The following SPTA1 variants were observed in gnomAD, a reference collection of about 807,000 sequenced individuals.
The protein encoded by SPTA1 is spectrin alpha, erythrocytic 1, also known as spectrin alpha chain, erythrocytic 1.
Under a neutral mutation model 324.7 loss-of-function variants are expected in SPTA1, and 177 were observed. The ratio of observed to expected loss-of-function variants is 0.55; its 90% CI spans 0.48 to 0.62. SPTA1 has a LOEUF of 0.62. Ranked by LOEUF, SPTA1 falls within the 20% of genes least tolerant of loss-of-function variation. The probability of loss-of-function intolerance (pLI) is 0.00; values close to 1 mark genes in which losing one functional copy is unlikely to be tolerated. For missense variants in SPTA1, 3,162 were observed against 2,883.6 expected, an observed-to-expected ratio of 1.10 and a Z score of -2.21; for synonymous variants, 1,195 against 1,041.3, an observed-to-expected ratio of 1.15 and a Z score of -2.84.
At chr1:158,675,508 C>T (rs950670091) in intron 8 of SPTA1, among the ~76,000 whole-genome samples, 7 of 152,060 alleles carry the variant, frequency 4.6e-5, no homozygotes, top group African/African-American at 1.7e-4. Flanking sequence ...GTGGGAGATA[C>T]ATTTCAATAT....
rs1423359721 is a variant in SPTA1 at position 158,634,543 on chromosome 1, C to T, written c.5565G>A (p.Gln1855=). The T allele has an allele frequency of 1.2e-6, 2 of 1,613,910 alleles. No individual in the cohort carries two copies. The highest frequency in any genetic ancestry group is 1.7e-6 in the Non-Finnish European group (2 of 1,180,012). Reference sequence around the variant, plus strand: ...TTGATTCATTCTTCCTGTTCCTCACCTGAGTAGCAGCTAATGTATCTCCAC... The same window carrying T: ...TTGATTCATTCTTCCTGTTCCTCACTTGAGTAGCAGCTAATGTATCTCCAC... ...GDCGDTLAAT[Q]SLLMKHEALE... Residue 1855 remains glutamine, a splice_region_variant and synonymous_variant, in exon 39 of 52, where the codon CAG becomes CAA. Transcript: ENST00000643759.
At chr1:158,670,717 T>G (rs772950868) in intron 12 of SPTA1, among the ~76,000 whole-genome samples, 1 of 152,140 alleles carries the variant, frequency 6.6e-6, no homozygotes, top group Non-Finnish European at 1.5e-5. Context: ...CATTGTAACT[T>G]AAGGCTCACA....
Position 158,626,162 on chromosome 1 carries a change from G to A in SPTA1, c.5894C>T (p.Thr1965Ile). 6.2e-7 allele frequency: 1 copy of A among 1,613,806 alleles called. No individual in the cohort carries two copies. The highest frequency in any genetic ancestry group is 8.5e-7 in the Non-Finnish European group (1 of 1,179,696). ...CAATCTCACCTGTTTTGCCAGAAGA[G>A]TGAGGAAGTCACCAAGGTCTGCACC... ...GNGADLGDFLTLLAKQDTLDA... is the reference protein window; with the variant it reads ...GNGADLGDFLILLAKQDTLDA... Residue 1965 changes from threonine (T) to isoleucine (I), a missense_variant, in exon 42 of 52, where the codon ACT becomes ATT. Transcript: ENST00000643759.
At chr1:158,683,713 G>A (rs1654973716) in intron 2 of SPTA1, among the ~76,000 whole-genome samples, 1 of 152,034 alleles carries the variant, frequency 6.6e-6, no homozygotes, top group South Asian at 2.1e-4. Context: ...TTATTTTAAA[G>A]GCTCAATAGA....
rs115978093 is a variant in SPTA1 at position 158,665,967 on chromosome 1, A to G, written c.2220+349T>C. 2.6e-3 allele frequency among the ~76,000 whole-genome samples: 401 copies of G among 152,234 alleles called. 1 individual carries two copies. Among genetic ancestry groups the G allele is most frequent in the Non-Finnish European group, 4.2e-3 (284 of 68,008 alleles). On this transcript the variant is annotated intron_variant, in intron 16 of 51. Coordinates refer to ENST00000643759, the MANE Select transcript of SPTA1 (RefSeq NM_003126.4). ...GATTGAGAGAAGAGTTTATGTTTAGAAAAGTCAATAAAGCCTTACACTAAC... is the reference window on the plus strand; with the variant it reads ...GATTGAGAGAAGAGTTTATGTTTAGGAAAGTCAATAAAGCCTTACACTAAC...
chr1:158,685,731 T>C (rs1655128754), intron 1 of SPTA1, among the ~76,000 whole-genome samples: 2 of 152,196 alleles, frequency 1.3e-5, no homozygotes, highest in South Asian at 2.1e-4. Context: ...GAGAAGTGCT[T>C]ATTATTTTTA....
chr1:158,636,751 T>C lies in SPTA1; in HGVS notation c.5200A>G (p.Ile1734Val). 2.5e-6 allele frequency: 4 copies of C among 1,614,106 alleles called. No homozygotes were observed. The highest frequency in any genetic ancestry group is 3.4e-6 in the Non-Finnish European group (4 of 1,179,996). Residue 1734 changes from isoleucine to valine, a missense_variant, in exon 37 of 52, where the codon ATA becomes GTA. Ile to Val is a conservative substitution (Grantham distance 29). Coordinates refer to ENST00000643759, the MANE Select transcript of SPTA1 (RefSeq NM_003126.4). Reference protein sequence around the residue: ...DEESWIEEKLIRVSSQDYGRD... With the variant: ...DEESWIEEKLVRVSSQDYGRD... ...CCATAGTCCTGGGAGCTCACTCGTATCAACTTCTCCCTAAAATCAAGGAAG... is the reference window on the plus strand; with the variant it reads ...CCATAGTCCTGGGAGCTCACTCGTACCAACTTCTCCCTAAAATCAAGGAAG...
At chr1:158,627,205 A>T (rs1052108721) in intron 40 of SPTA1, among the ~76,000 whole-genome samples, 198 bp from the exon 41 acceptor site, 2 of 152,140 alleles carry the variant, frequency 1.3e-5, no homozygotes, top group South Asian at 2.1e-4. Context: ...ATCAATGAGG[A>T]TTTATTAAAA....
chr1:158,614,383 G>T, intron 48 of SPTA1, 77 bp from the exon 49 acceptor site: 1 of 1,060,640 alleles, frequency 9.4e-7, no homozygotes, highest in Non-Finnish European at 1.4e-6. Flanking sequence ...ACATGGAAGA[G>T]AGAGGAATTT....
chr1:158,642,558 A>G lies in SPTA1; in HGVS notation c.4606-16T>C, dbSNP rs1017982027. 6.2e-7 allele frequency: 1 copy of G among 1,613,286 alleles called. No individual in the cohort carries two copies. Among genetic ancestry groups the G allele is most frequent in the Non-Finnish European group, 8.5e-7 (1 of 1,179,484 alleles). ...GGTATTTCCTCTGAAGGGAAAATGA[A>G]ACAGAAATTATATTATCTTTTTATT... is the stretch of plus-strand genomic sequence containing the variant. On this transcript the variant is annotated splice_polypyrimidine_tract_variant and intron_variant, in intron 32 of 51. Transcript: ENST00000643759.
At chr1:158,629,499 A>G (rs1020754736) in intron 39 of SPTA1, among the ~76,000 whole-genome samples, 37 of 152,016 alleles carry the variant, frequency 2.4e-4, no homozygotes, top group African/African-American at 8.9e-4. Context: ...CATGATAAAA[A>G]CCATCAACAA....
intron 2 of SPTA1, 129 bp from the exon 3 acceptor site, chr1:158,683,625 C>G: frequency 8.3e-7 from 1 of 1,206,922 alleles, no homozygotes; most frequent in South Asian, 1.3e-5. Context: ...AGAGTATTTT[C>G]CTGTCCCCAC....
At chr1:158,622,533 G>A (rs968483165) in intron 43 of SPTA1, among the ~76,000 whole-genome samples, 6 of 152,064 alleles carry the variant, frequency 3.9e-5, no homozygotes. Context: ...TTCTAAATGG[G>A]GATATCAAGG....
At chr1:158,619,668 G>A (rs112792119) in intron 44 of SPTA1, among the ~76,000 whole-genome samples, 8 of 152,242 alleles carry the variant, frequency 5.3e-5, no homozygotes, top group African/African-American at 1.9e-4. Flanking sequence ...TAAAGGGCCT[G>A]CTACCCTTAG....
chr1:158,635,810 T>C, intron 38 of SPTA1, 103 bp downstream of exon 38: 1 of 1,552,374 alleles, frequency 6.4e-7, no homozygotes, highest in Non-Finnish European at 8.9e-7. Context: ...GATAGGTAGT[T>C]GGGGATAGCA....
At chr1:158,627,844 T>C in intron 39 of SPTA1, 121 bp from the exon 40 acceptor site, 1 of 901,752 alleles carries the variant, frequency 1.1e-6, no homozygotes. Flanking sequence ...GCAGACTAGG[T>C]GAATGCCCAC....
chr1:158,679,552 G>A (rs1336824956), intron 5 of SPTA1, among the ~76,000 whole-genome samples: 1 of 151,988 alleles, frequency 6.6e-6, no homozygotes, highest in African/African-American at 2.4e-5. Flanking sequence ...ATGATGAGAG[G>A]TCACCCAGAG....
In SPTA1 at chr1:158,639,492, A is replaced by G. The variant is rs1371560387; in HGVS notation, c.4980+90T>C. 22 of 1,358,888 alleles carry G rather than the reference A, an allele frequency of 1.6e-5. No homozygotes were observed. The Admixed American group carries it at 2.7e-4, about 17-fold the overall frequency. 84.2% of individuals were successfully genotyped at this position (1,358,888 alleles called of 1,614,324 possible). On this transcript the variant is annotated intron_variant, in intron 35 of 51. Coordinates refer to ENST00000643759, the MANE Select transcript of SPTA1 (RefSeq NM_003126.4). ...ACACTAAGAACAATTTTGCAAGGCT[A>G]TGTTTTCAAATGGTCTCCTAACATG...
chr1:158,635,418 T>G (rs1186197407), intron 38 of SPTA1, among the ~76,000 whole-genome samples: 1 of 151,818 alleles, frequency 6.6e-6, no homozygotes. Context: ...CTGTACAGCC[T>G]ATGAAACTAT....
Sources: gnomAD v4.1 joint callset for allele counts (sites outside exome capture counted in the v4.1 genomes callset) on GRCh38, gnomAD v4.1.1 for gene constraint, MANE v1.5 for transcripts, NCBI Gene and HGNC (gene_info 2026-07-23, HGNC 2026-07-21) for gene names.